Variants in MYO1E observed in about 807,000 individuals in gnomAD.
MYO1E encodes the protein unconventional myosin-Ie.
In MYO1E, 68 loss-of-function variants were observed where a neutral mutation model predicts 151.1. The ratio of observed to expected loss-of-function variants is 0.45; its 90% CI spans 0.37 to 0.55. The LOEUF (loss-of-function observed/expected upper bound fraction) is 0.55, where lower values mean the gene tolerates loss of function less well. Among genes scored for constraint, MYO1E ranks in the 20% least tolerant of loss-of-function variants. The probability of loss-of-function intolerance (pLI) is 0.00; values close to 1 mark genes in which losing one functional copy is unlikely to be tolerated. For synonymous variants in MYO1E, 601 were observed against 501.7 expected, an observed-to-expected ratio of 1.20 and a Z score of -2.64; for missense variants, 1,363 against 1,389.3, an observed-to-expected ratio of 0.98 and a Z score of 0.30.
intron 2 of MYO1E, among the ~76,000 whole-genome samples, chr15:59,261,971 G>A (rs1404796435): frequency 6.6e-6 from 1 of 152,146 alleles, no homozygotes; most frequent in East Asian, 1.9e-4. Flanking sequence ...GGAGGCTGAG[G>A]TGGGGAGATC....
At chr15:59,191,369 A>AGAGAGAGAGAGAGAGAGAGAGAGAGAG (rs36017033) in intron 17 of MYO1E, among the ~76,000 whole-genome samples, 3 of 135,654 alleles carry the variant, frequency 2.2e-5, no homozygotes, top group African/African-American at 8.0e-5. Flanking sequence ...AGAGAGAGAG[A>AGAGAGAGAGAGAGAGAGAGAGAGAGAG]AAGAAATGTC....
intron 1 of MYO1E, among the ~76,000 whole-genome samples, chr15:59,360,593 A>G (rs2080879584): frequency 6.6e-6 from 1 of 152,240 alleles, no homozygotes. Context: ...ACCCTTTAGC[A>G]GATAGAAAAT....
intron 1 of MYO1E, among the ~76,000 whole-genome samples, chr15:59,289,914 G>A (rs921997370): frequency 2.0e-5 from 3 of 152,156 alleles, no homozygotes; most frequent in African/African-American, 2.4e-5. Flanking sequence ...ACTTCTCATT[G>A]TATCTGTGAA....
At chr15:59,314,337 A>G (rs886388636) in intron 1 of MYO1E, among the ~76,000 whole-genome samples, 25 of 152,216 alleles carry the variant, frequency 1.6e-4, no homozygotes, top group African/African-American at 5.5e-4. Flanking sequence ...GGAAGTGAAG[A>G]TTGTTATACT....
intron 1 of MYO1E, among the ~76,000 whole-genome samples, chr15:59,344,686 T>C (rs2080784172): frequency 6.6e-6 from 1 of 152,232 alleles, no homozygotes; most frequent in African/African-American, 2.4e-5. Flanking sequence ...TTTATTCTAC[T>C]GTGGCTAAGC....
intron 1 of MYO1E, among the ~76,000 whole-genome samples, chr15:59,300,741 T>C (rs1245995363): frequency 3.3e-5 from 5 of 152,240 alleles, no homozygotes; most frequent in South Asian, 4.1e-4. Context: ...TGAAAAATCC[T>C]GACAGGCTTT....
intron 17 of MYO1E, 21 bp from the exon 18 acceptor site, chr15:59,188,237 G>A (rs1456377101): frequency 6.3e-7 from 1 of 1,584,376 alleles, no homozygotes; most frequent in Admixed American, 1.7e-5. Context: ...GAGAAAATGG[G>A]GCCTGGACAT....
At chr15:59,234,521 T>A (rs1158400612) in intron 5 of MYO1E, among the ~76,000 whole-genome samples, 1 of 152,130 alleles carries the variant, frequency 6.6e-6, no homozygotes, top group Admixed American at 6.5e-5. Context: ...TAGAACACTA[T>A]TTAATTAATA....
At position 59,372,487 on chromosome 15, in the gene MYO1E, G is replaced by A. The variant is rs1373675952; in HGVS notation, c.3+11C>T. 15 of 1,539,106 alleles carry A rather than the reference G, an allele frequency of 9.7e-6. No individual in the cohort carries two copies. Among genetic ancestry groups the A allele is most frequent in the Admixed American group, 3.9e-5 (2 of 50,886 alleles). Reference sequence around the variant, plus strand: ...GGTCCGGCGTCCTAGGACGCGGCGCGGCCAACTCACCATGGTGACTCGCGC... The same window carrying A: ...GGTCCGGCGTCCTAGGACGCGGCGCAGCCAACTCACCATGGTGACTCGCGC... On this transcript the variant is annotated intron_variant, in intron 1 of 27. Coordinates refer to ENST00000288235, the MANE Select transcript of MYO1E (RefSeq NM_004998.4).
At chr15:59,196,773 A>G (rs1308324271) in intron 16 of MYO1E, among the ~76,000 whole-genome samples, 1 of 152,166 alleles carries the variant, frequency 6.6e-6, no homozygotes, top group Non-Finnish European at 1.5e-5. Context: ...ATCAAAGCAA[A>G]GCCCTATGAT....
intron 1 of MYO1E, among the ~76,000 whole-genome samples, chr15:59,361,193 C>T (rs1446446426): frequency 6.6e-6 from 1 of 152,186 alleles, no homozygotes; most frequent in African/African-American, 2.4e-5. Flanking sequence ...TCATCCATTC[C>T]CAGCCAAGCC....
At chr15:59,196,005 T>C (rs1297390585) in intron 16 of MYO1E, among the ~76,000 whole-genome samples, 1 of 152,172 alleles carries the variant, frequency 6.6e-6, no homozygotes, top group Non-Finnish European at 1.5e-5. Flanking sequence ...GGATAAATCA[T>C]CAAATCCCCT....
intron 1 of MYO1E, among the ~76,000 whole-genome samples, chr15:59,273,180 G>A (rs2080297979): frequency 1.3e-5 from 2 of 152,248 alleles, no homozygotes; most frequent in South Asian, 4.1e-4. Flanking sequence ...CCCTTGGGTA[G>A]ATGAAGCTGT....
intron 1 of MYO1E, among the ~76,000 whole-genome samples, chr15:59,338,898 G>A (rs1307542766): frequency 6.6e-6 from 1 of 152,180 alleles, no homozygotes; most frequent in African/African-American, 2.4e-5. Flanking sequence ...TTTGGAGGCC[G>A]AGGCAGGTGG....
chr15:59,311,343 A>AT (rs1237136862), intron 1 of MYO1E, among the ~76,000 whole-genome samples: 1 of 152,134 alleles, frequency 6.6e-6, no homozygotes, highest in Non-Finnish European at 1.5e-5. Context: ...TGCGCAGTTC[A>AT]TAACAGGGTT....
intron 18 of MYO1E, among the ~76,000 whole-genome samples, chr15:59,187,614 A>C (rs1309099982): frequency 6.6e-6 from 1 of 152,256 alleles, no homozygotes; most frequent in Non-Finnish European, 1.5e-5. Context: ...ATATGACCAC[A>C]TAAAAACTTG....
rs1434072026 is a variant in MYO1E at position 59,135,273 on chromosome 15, C to CAGTT, written c.*2103_*2106dup. 2.0e-5 allele frequency: 3 copies of CAGTT among 152,166 alleles called. No individual in the cohort carries two copies. Among genetic ancestry groups the CAGTT allele is most frequent in the African/African-American group, 7.2e-5 (3 of 41,440 alleles). 9.4% of individuals were successfully genotyped at this position (152,166 alleles called of 1,614,324 possible). A position where few individuals can be genotyped will look rare whatever the true frequency, so the allele number is the denominator to read the frequency against. On this transcript the variant is annotated 3_prime_UTR_variant, in exon 28 of 28. Transcript: ENST00000288235. ...TTGTGACCTAGAGCCCGATGGTTCC[C>CAGTT]AGTTACACACAAGTGTAAAATGCCA...
chr15:59,239,447 C>T (rs746733567), intron 4 of MYO1E, among the ~76,000 whole-genome samples: 14 of 150,982 alleles, frequency 9.3e-5, no homozygotes, highest in Non-Finnish European at 1.6e-4. Flanking sequence ...AGAGAGCAAG[C>T]GTGAGCAAAC....
At chr15:59,277,744 G>A (rs1317060940) in intron 1 of MYO1E, among the ~76,000 whole-genome samples, 2 of 152,286 alleles carry the variant, frequency 1.3e-5, no homozygotes, top group East Asian at 3.9e-4. Context: ...CTGCAAAGGA[G>A]TACTTTGCAG....
Sources: gnomAD v4.1 joint callset for allele counts (sites outside exome capture counted in the v4.1 genomes callset) on GRCh38, gnomAD v4.1.1 for gene constraint, MANE v1.5 for transcripts, NCBI Gene and HGNC (gene_info 2026-07-23, HGNC 2026-07-21) for gene names.